The following HIPK2 variants were observed in gnomAD, a reference collection of about 807,000 sequenced individuals.
HIPK2 encodes homeodomain-interacting protein kinase 2.
Under a neutral mutation model 113.7 loss-of-function variants are expected in HIPK2, and 27 were observed. That is an observed-to-expected ratio of 0.24 (90% CI 0.17 to 0.33). HIPK2 has a LOEUF of 0.33. Among genes scored for constraint, HIPK2 ranks in the 10% least tolerant of loss-of-function variants. The probability of loss-of-function intolerance (pLI) is 1.00; values close to 1 mark genes in which losing one functional copy is unlikely to be tolerated. For synonymous variants in HIPK2, 631 were observed against 642.2 expected (o/e 0.98, Z 0.26); for missense variants, 1,257 against 1,588.0 (o/e 0.79, Z 3.54).
In HIPK2 at chr7:139,613,387, G is replaced by A; in HGVS notation, c.1991-64C>T. On this transcript the variant is annotated intron_variant, in intron 8 of 14. Transcript: ENST00000406875. The surrounding 1 kb of genome is among the most constrained non-coding windows in gnomAD (Gnocchi z 4.2). ...GACGCTGTGAACAGCTGGATGAAAAGAACCTTCCTGGGCAGTTATGTCAAC... is the reference window on the plus strand; with the variant it reads ...GACGCTGTGAACAGCTGGATGAAAAAAACCTTCCTGGGCAGTTATGTCAAC... 3.8e-6 allele frequency: 6 copies of A among 1,582,616 alleles called. No individual in the cohort carries two copies. The South Asian group carries it at 5.8e-5, about 15-fold the overall frequency.
chr7:139,689,386 TTATG>T (rs1794330909), intron 2 of HIPK2, among the ~76,000 whole-genome samples: 4 of 152,314 alleles, frequency 2.6e-5, no homozygotes, highest in African/African-American at 9.6e-5. Context: ...CATTTTGAAG[TTATG>T]TATGTTATAT....
At chr7:139,756,652 T>G (rs1199454263) in intron 1 of HIPK2, among the ~76,000 whole-genome samples, 3 of 152,212 alleles carry the variant, frequency 2.0e-5, no homozygotes, top group Non-Finnish European at 4.4e-5. Context: ...CTCAAACTCC[T>G]GACTTCAGGT....
intron 2 of HIPK2, among the ~76,000 whole-genome samples, chr7:139,697,318 C>T (rs1013391431): frequency 1.3e-5 from 2 of 152,160 alleles, no homozygotes; most frequent in Admixed American, 6.5e-5. Context: ...CTTTTCTCTC[C>T]GAGTGAAGGA....
In HIPK2 at chr7:139,573,158, G is replaced by T. The variant is rs1268100961; in HGVS notation, c.3366C>A (p.Ala1122=). ...GSTGTVAHLV[A]SQGSARHTVQ... ...CGGTGTGGCGCGCAGAGCCTTGCGA[G>T]GCCACCAGGTGGGCCACGGTGCCGG... Residue 1122 remains alanine (A), a synonymous_variant, in exon 15 of 15, where the codon GCC becomes GCA. Transcript: ENST00000406875. The T allele has an allele frequency of 6.2e-7, 1 of 1,610,926 alleles. No individual in the cohort carries two copies.
At chr7:139,750,367 G>A (rs184790115) in intron 1 of HIPK2, among the ~76,000 whole-genome samples, 32 of 152,314 alleles carry the variant, frequency 2.1e-4, no homozygotes, top group Non-Finnish European at 4.1e-4. Context: ...CAATTGATGA[G>A]CTAGAATACA....
At chr7:139,749,697 C>T (rs549132946) in intron 1 of HIPK2, among the ~76,000 whole-genome samples, 1 of 152,312 alleles carries the variant, frequency 6.6e-6, no homozygotes, top group Admixed American at 6.5e-5. Context: ...TACACAGCTG[C>T]ACTCTAACCA....
chr7:139,654,390 A>G (rs767598485), intron 2 of HIPK2, among the ~76,000 whole-genome samples: 4 of 152,096 alleles, frequency 2.6e-5, no homozygotes, highest in Non-Finnish European at 5.9e-5. Context: ...GTGCACACCT[A>G]TAGTCGCAGC....
chr7:139,699,296 T>A (rs1283202878), intron 2 of HIPK2, among the ~76,000 whole-genome samples: 1 of 152,134 alleles, frequency 6.6e-6, no homozygotes, highest in Non-Finnish European at 1.5e-5. Context: ...ATTAGAAACA[T>A]TCAATTTCTA....
intron 11 of HIPK2, among the ~76,000 whole-genome samples, chr7:139,600,196 C>T (rs1799370228): frequency 6.6e-6 from 1 of 152,184 alleles, no homozygotes; most frequent in Admixed American, 6.5e-5. Flanking sequence ...TTGCATCCAT[C>T]CCTACACTAT....
At chr7:139,614,215 A>T (rs770560140) in intron 8 of HIPK2, 71 bp downstream of exon 8, 2 of 1,260,658 alleles carry the variant, frequency 1.6e-6, no homozygotes, top group Non-Finnish European at 2.1e-6. Flanking sequence ...GTGACAGAAA[A>T]CTGCAGGTGC....
chr7:139,685,830 A>G (rs530708346), intron 2 of HIPK2, among the ~76,000 whole-genome samples: 2 of 152,360 alleles, frequency 1.3e-5, no homozygotes, highest in Non-Finnish European at 2.9e-5. Flanking sequence ...CTCATTGACA[A>G]TGTACCTAGT....
intron 11 of HIPK2, among the ~76,000 whole-genome samples, chr7:139,600,037 G>C (rs1799362723): frequency 6.6e-6 from 1 of 152,112 alleles, no homozygotes; most frequent in Admixed American, 6.6e-5. Flanking sequence ...TGTTAGGTCA[G>C]TTTAGGCAGA....
At chr7:139,649,681 C>CCCT (rs963517740) in intron 2 of HIPK2, among the ~76,000 whole-genome samples, 1 of 152,052 alleles carries the variant, frequency 6.6e-6, no homozygotes, top group Admixed American at 6.5e-5. Context: ...TAACTGGTGC[C>CCCT]CCTCTCCTAC....
In HIPK2 at chr7:139,631,477, G is replaced by A. The variant is rs1280104969; in HGVS notation, c.1227+125C>T. ...AAATAGCAAGGTTAAGGGAAGCAAGGTTTGGGAGACAACGTGACATTCCAC... is the reference window on the plus strand; with the variant it reads ...AAATAGCAAGGTTAAGGGAAGCAAGATTTGGGAGACAACGTGACATTCCAC... On this transcript the variant is annotated intron_variant, in intron 3 of 14. Transcript: ENST00000406875. This position sits in a 1 kb window ranked among gnomAD's most constrained non-coding sequence, Gnocchi z 4.9. The A allele has an allele frequency of 6.8e-7, 1 of 1,462,286 alleles. No individual in the cohort carries two copies. Among genetic ancestry groups the A allele is most frequent in the Admixed American group, 2.5e-5 (1 of 39,378 alleles). 90.6% of individuals were successfully genotyped at this position (1,462,286 alleles called of 1,614,324 possible). A position where few individuals can be genotyped will look rare whatever the true frequency, so the allele number is the denominator to read the frequency against.
chr7:139,685,620 G>T (rs147357295), intron 2 of HIPK2, among the ~76,000 whole-genome samples: 1 of 152,194 alleles, frequency 6.6e-6, no homozygotes, highest in African/African-American at 2.4e-5. Flanking sequence ...ACTTTAAGTC[G>T]AAGCCAGTGC....
At chr7:139,602,671 C>T (rs1245830483) in intron 10 of HIPK2, among the ~76,000 whole-genome samples, 1 of 151,326 alleles carries the variant, frequency 6.6e-6, no homozygotes. Flanking sequence ...CTCGGCTGCT[C>T]CTAAGGAGCT....
chr7:139,579,812 C>T (rs1250254542), intron 13 of HIPK2, among the ~76,000 whole-genome samples: 4 of 152,176 alleles, frequency 2.6e-5, no homozygotes, highest in East Asian at 1.9e-4. Context: ...CGTGCATTTG[C>T]GCCTGGGGCC....
chr7:139,607,707 G>C (rs1799667713), intron 9 of HIPK2, among the ~76,000 whole-genome samples: 1 of 152,036 alleles, frequency 6.6e-6, no homozygotes, highest in Non-Finnish European at 1.5e-5. Context: ...ATATTACAAA[G>C]TAGTTGAATC....
chr7:139,720,091 G>C (rs1442167385), intron 1 of HIPK2, among the ~76,000 whole-genome samples: 2 of 152,154 alleles, frequency 1.3e-5, no homozygotes, highest in Middle Eastern at 3.2e-3. Flanking sequence ...GAATGAAGCT[G>C]GTCTATTCGC....
Sources: gnomAD v4.1 joint callset for allele counts (sites outside exome capture counted in the v4.1 genomes callset) on GRCh38, gnomAD v4.1.1 for gene constraint, Gnocchi (gnomAD v3.1) non-coding constraint, MANE v1.5 for transcripts, NCBI Gene and HGNC (gene_info 2026-07-23, HGNC 2026-07-21) for gene names.